SRL: variants seen among roughly 807,000 people sequenced by gnomAD.
SRL encodes sarcalumenin.
SRL carries 23 observed loss-of-function variants against 39.5 expected under a neutral mutation model. The observed-to-expected ratio is 0.58, with a 90% CI of 0.42 to 0.82. The LOEUF (loss-of-function observed/expected upper bound fraction) is 0.82, where lower values mean the gene tolerates loss of function less well. Ranked by LOEUF, SRL falls within the 40% of genes least tolerant of loss-of-function variation. The pLI, the probability that SRL is intolerant of heterozygous loss-of-function variation, is 0.00. For missense variants in SRL, 592 were observed against 607.8 expected (o/e 0.97, Z 0.27); for synonymous variants, 272 against 237.4 (o/e 1.15, Z -1.34).
intron 1 of SRL, chr16:4,207,436 C>T (rs1287561080): frequency 2.2e-6 from 1 of 456,770 alleles, no homozygotes; most frequent in African/African-American, 2.0e-5. Flanking sequence ...GCCGCGACGT[C>T]AGGGGCTCCC....
intron 1 of SRL, among the ~76,000 whole-genome samples, chr16:4,211,607 G>C (rs62037567): frequency 7.3e-6 from 1 of 136,578 alleles, no homozygotes. Context: ...GGTGATGACC[G>C]TGCCGATGAT....
Position 4,191,706 on chromosome 16 carries a change from A to C in SRL, c.*447T>G. 1 of 161,360 alleles carries C rather than the reference A, an allele frequency of 6.2e-6. No homozygotes were observed. The highest frequency in any genetic ancestry group is 1.3e-5 in the Non-Finnish European group (1 of 74,106). The allele number at this position is 161,360 out of a possible 1,614,324, so 10.0% of individuals were successfully genotyped here. ...TTAAGAGGCAGCCGAGGGCTGGGGA[A>C]CAAACGCGAGACTGTGGGTGTGGAA... On this transcript the variant is annotated 3_prime_UTR_variant, in exon 6 of 6. Coordinates refer to ENST00000399609, the MANE Select transcript of SRL (RefSeq NM_001098814.2).
At position 4,228,549 on chromosome 16, in the gene SRL, C is replaced by T. The variant is rs907568462; in HGVS notation, c.61+13458G>A. Among the ~76,000 whole-genome samples, 12 of 151,792 alleles carry T rather than the reference C, an allele frequency of 7.9e-5. No individual in the cohort carries two copies. In the South Asian group the frequency reaches 1.7e-3, roughly 21 times the overall value. On this transcript the variant is annotated intron_variant, in intron 1 of 5. Transcript: ENST00000399609. ...AGGAGATCGAGACCATCCTGGCTAA[C>T]ACGGTGAAACCCCGTCTCTACTAAA...
chr16:4,237,408 C>A (rs1260333191), intron 1 of SRL, among the ~76,000 whole-genome samples: 1 of 152,166 alleles, frequency 6.6e-6, no homozygotes, highest in Non-Finnish European at 1.5e-5. Flanking sequence ...GCTGGGTCCA[C>A]CCCTTCTCTC....
chr16:4,236,886 G>A (rs925858811), intron 1 of SRL, among the ~76,000 whole-genome samples: 16 of 151,458 alleles, frequency 1.1e-4, no homozygotes, highest in African/African-American at 3.6e-4. Context: ...CTCGTGATCT[G>A]CCCTCAGCCT....
chr16:4,206,468 G>A (rs192041064), intron 1 of SRL, among the ~76,000 whole-genome samples: 6 of 152,240 alleles, frequency 3.9e-5, no homozygotes, highest in Admixed American at 1.3e-4. Flanking sequence ...GGGCTACGGC[G>A]CATCAGGGAC....
chr16:4,224,975 T>A (rs1196808918), intron 1 of SRL, among the ~76,000 whole-genome samples: 8 of 152,052 alleles, frequency 5.3e-5, no homozygotes, highest in Non-Finnish European at 1.2e-4. Flanking sequence ...CGGTGGTAAG[T>A]GAAAGAAGCT....
chr16:4,203,173 C>G lies in SRL; in HGVS notation c.252G>C (p.Glu84Asp), dbSNP rs74003216. ...TGTTATCTCAAGCCCTACCTGTGAT[C>G]TCATGCTGCCGGAGCTCATTGTACT... Reference protein sequence around the residue: ...SYKYNELRQHEITDGEITSKP... With the variant: ...SYKYNELRQHDITDGEITSKP... Residue 84 changes from glutamate (E) to aspartate (D), a missense_variant, in exon 3 of 6, where the codon GAG becomes GAC. By Grantham distance (45) the Glu-to-Asp change is conservative. Transcript: ENST00000399609. 1,745 of 1,614,064 alleles carry G rather than the reference C, an allele frequency of 1.1e-3. 15 individuals are homozygous for G. The African/African-American group carries it at 0.019, about 17-fold the overall frequency.
intron 1 of SRL, among the ~76,000 whole-genome samples, chr16:4,233,433 C>T (rs1455055694): frequency 6.6e-6 from 1 of 152,196 alleles, no homozygotes; most frequent in Non-Finnish European, 1.5e-5. Context: ...ACAGCTTCCA[C>T]CCTCCCCAAG....
intron 1 of SRL, among the ~76,000 whole-genome samples, chr16:4,230,850 G>A (rs947423163): frequency 6.6e-6 from 1 of 152,214 alleles, no homozygotes; most frequent in Non-Finnish European, 1.5e-5. Context: ...CATGATGACA[G>A]AGGCAGAGAG....
intron 1 of SRL, among the ~76,000 whole-genome samples, chr16:4,237,888 C>T (rs1003355151): frequency 6.6e-6 from 1 of 152,136 alleles, no homozygotes; most frequent in African/African-American, 2.4e-5. Context: ...TGCCTTCAGC[C>T]CCACCTTGCT....
At chr16:4,206,785 C>T (rs1426201685) in intron 1 of SRL, 1 of 456,872 alleles carries the variant, frequency 2.2e-6, no homozygotes, top group South Asian at 1.5e-5. Context: ...GGCTCCTCTG[C>T]CTTCATATCC....
chr16:4,202,816 G>A (rs1007898452), intron 3 of SRL, among the ~76,000 whole-genome samples: 1 of 152,278 alleles, frequency 6.6e-6, no homozygotes, highest in South Asian at 2.1e-4. Flanking sequence ...TAGACAGGGG[G>A]CACCTGTGGC....
intron 1 of SRL, among the ~76,000 whole-genome samples, chr16:4,221,644 T>C (rs1216510096): frequency 1.3e-5 from 2 of 152,218 alleles, no homozygotes; most frequent in African/African-American, 2.4e-5. Context: ...TGCCTGAATG[T>C]GGTTTTGTAT....
At position 4,195,541 on chromosome 16, in the gene SRL, G is replaced by C. The variant is rs1379999797; in HGVS notation, c.610+12C>G. On this transcript the variant is annotated intron_variant, in intron 5 of 5. Coordinates refer to ENST00000399609, the MANE Select transcript of SRL (RefSeq NM_001098814.2). ...CAGAGCTTACACTGTTCAGAAATGA[G>C]GGCTAAATTACCTCTTTCTTGCTGC... 7 of 1,613,180 alleles carry C rather than the reference G, an allele frequency of 4.3e-6. No homozygotes were observed. The highest frequency in any genetic ancestry group is 1.3e-5 in the African/African-American group (1 of 74,974).
chr16:4,236,304 G>C (rs1466988321), intron 1 of SRL, among the ~76,000 whole-genome samples: 1 of 152,108 alleles, frequency 6.6e-6, no homozygotes, highest in African/African-American at 2.4e-5. Context: ...CAGCATCTCT[G>C]TGATATTTAA....
chr16:4,192,234 C>T lies in SRL; in HGVS notation c.1341G>A (p.Gly447=), dbSNP rs780383280. 7 of 1,610,874 alleles carry T rather than the reference C, an allele frequency of 4.3e-6. No homozygotes were observed. Among genetic ancestry groups the T allele is most frequent in the Non-Finnish European group, 5.9e-6 (7 of 1,178,812 alleles). The change falls in exon 6 of 6, where the codon GGG becomes GGA. Residue 447 remains glycine (G), a synonymous_variant. Coordinates refer to ENST00000399609, the MANE Select transcript of SRL (RefSeq NM_001098814.2). This position sits in a 1 kb window ranked among gnomAD's most constrained non-coding sequence, Gnocchi z 4.0. ...TGAGAGCACCTGGATTCTTCCCGAG[C>T]CCGAGGCTACCCAGGAGGCCCGGAA... The part of the protein sequence containing the change: ...QELPGLLGSL[G]LGKNPGALNC...
At chr16:4,208,981 G>C (rs2052360165) in intron 1 of SRL, among the ~76,000 whole-genome samples, 1 of 152,066 alleles carries the variant, frequency 6.6e-6, no homozygotes, top group Non-Finnish European at 1.5e-5. Context: ...TGGAAAATGG[G>C]GTCAGAAAAG....
intron 1 of SRL, among the ~76,000 whole-genome samples, chr16:4,228,208 G>A (rs1210355867): frequency 8.2e-6 from 1 of 121,786 alleles, no homozygotes; most frequent in Non-Finnish European, 2.0e-5. Flanking sequence ...GAAGACTGAG[G>A]CAGGTGGATC....
Sources: gnomAD v4.1 joint callset for allele counts (sites outside exome capture counted in the v4.1 genomes callset) on GRCh38, gnomAD v4.1.1 for gene constraint, Gnocchi (gnomAD v3.1) non-coding constraint, MANE v1.5 for transcripts, NCBI Gene and HGNC (gene_info 2026-07-23, HGNC 2026-07-21) for gene names.